Variants in OSMR observed in about 807,000 individuals in gnomAD.
The protein encoded by OSMR is oncostatin-M-specific receptor subunit beta.
Under a neutral mutation model 99.9 loss-of-function variants are expected in OSMR, and 81 were observed. The observed-to-expected ratio is 0.81, with a 90% CI of 0.68 to 0.97. The LOEUF is 0.97. Ranked by LOEUF, OSMR falls within the 50% of genes least tolerant of loss-of-function variation. The pLI, the probability that OSMR is intolerant of heterozygous loss-of-function variation, is 0.00. For missense variants in OSMR, 1,099 were observed against 1,153.4 expected (o/e 0.95, Z 0.68); for synonymous variants, 406 against 410.4 (o/e 0.99, Z 0.13).
chr5:38,852,769 C>T lies in OSMR; in HGVS notation c.-14+6382C>T, dbSNP rs1271189029. ...TTTTTGAGACGGAGTCTCACTCTTT[C>T]GCCCAAGCTGGACTGCAGTGGCGCT... On this transcript the variant is annotated intron_variant, in intron 1 of 17. Transcript: ENST00000274276. Among the ~76,000 whole-genome samples, 118 of 110,128 alleles carry T rather than the reference C, an allele frequency of 1.1e-3. 2 individuals are homozygous for T. Among genetic ancestry groups the T allele is most frequent in the African/African-American group, 3.7e-3 (101 of 27,598 alleles). 72.2% of individuals were successfully genotyped at this position (110,128 alleles called of 152,430 possible).
intron 1 of OSMR, among the ~76,000 whole-genome samples, chr5:38,853,230 G>T (rs1344506364): frequency 6.6e-6 from 1 of 151,924 alleles, no homozygotes; most frequent in Admixed American, 6.6e-5. Context: ...TGATATCTTT[G>T]TTCATCTGGA....
chr5:38,925,536 A>AG (rs1468591615), intron 15 of OSMR, among the ~76,000 whole-genome samples, 165 bp downstream of exon 15: 1 of 152,192 alleles, frequency 6.6e-6, no homozygotes, highest in Non-Finnish European at 1.5e-5. Flanking sequence ...TCACAAAAAA[A>AG]GGGTTGCACA....
At chr5:38,898,088 A>G (rs1004689714) in intron 7 of OSMR, among the ~76,000 whole-genome samples, 7 of 152,288 alleles carry the variant, frequency 4.6e-5, no homozygotes, top group African/African-American at 1.7e-4. Context: ...CATTGTACAA[A>G]ATATTTCTGT....
At chr5:38,921,404 A>G (rs1179719896) in intron 11 of OSMR, 1 of 795,214 alleles carries the variant, frequency 1.3e-6, no homozygotes, top group Non-Finnish European at 1.5e-6. Flanking sequence ...CATGATGGGC[A>G]TCTGAAGGGC....
chr5:38,869,183 T>C, intron 2 of OSMR, 66 bp downstream of exon 2: 1 of 1,163,232 alleles, frequency 8.6e-7, no homozygotes, highest in Non-Finnish European at 1.3e-6. Flanking sequence ...ATTGATGCTT[T>C]GGGAAAAAGT....
At chr5:38,881,272 A>C (rs990910642) in intron 3 of OSMR, among the ~76,000 whole-genome samples, 1 of 152,078 alleles carries the variant, frequency 6.6e-6, no homozygotes, top group African/African-American at 2.4e-5. Flanking sequence ...TGGGACTGGC[A>C]CAGTGAGCAC....
chr5:38,926,540 C>A (rs1746483617), intron 15 of OSMR, among the ~76,000 whole-genome samples: 1 of 152,122 alleles, frequency 6.6e-6, no homozygotes, highest in Non-Finnish European at 1.5e-5. Context: ...AGGGGAAAAG[C>A]CACTTATAAA....
At chr5:38,897,167 A>G (rs1744577412) in intron 7 of OSMR, among the ~76,000 whole-genome samples, 1 of 152,022 alleles carries the variant, frequency 6.6e-6, no homozygotes, top group Admixed American at 6.6e-5. Flanking sequence ...GGCCTAGTAG[A>G]ATGACTTTGG....
intron 9 of OSMR, 47 bp downstream of exon 9, chr5:38,904,550 G>A (rs1423456173): frequency 5.0e-6 from 8 of 1,611,310 alleles, no homozygotes; most frequent in Admixed American, 3.3e-5. Flanking sequence ...GGTCTTAGGA[G>A]TTAGACTGGT....
rs1348045779 is a variant in OSMR, at chr5:38,876,211, A to T, written c.84A>T (p.Glu28Asp). 1 of 1,613,082 alleles carries T rather than the reference A, an allele frequency of 6.2e-7. No individual in the cohort carries two copies. Among genetic ancestry groups the T allele is most frequent in the Non-Finnish European group, 8.5e-7 (1 of 1,179,290 alleles). The change falls in exon 3 of 18, where the codon GAA (glutamate) becomes GAT (aspartate). Residue 28 changes from glutamate to aspartate, a missense_variant. Physicochemically the swap from Glu to Asp is conservative, Grantham distance 45. Coordinates refer to ENST00000274276, the MANE Select transcript of OSMR (RefSeq NM_003999.3). ...LRTYQSEVLA[E>D]RLPLTPVSLK... ...TTTTGATCTTTTCAGTCTTGGCTGA[A>T]CGTTTACCATTGACTCCTGTATCAC...
At chr5:38,939,848 A>G (rs975681250), downstream of OSMR, 10 of 223,874 alleles carry the variant, frequency 4.5e-5, no homozygotes, top group Non-Finnish European at 7.1e-5. Context: ...ATCATTCCTA[A>G]CCTCTTCTGC....
At position 38,925,276 on chromosome 5, in the gene OSMR, C is replaced by T; in HGVS notation, c.2117C>T (p.Pro706Leu). ...EKALIVDNLK[P>L]ESFYEFFITP... Reference sequence around the variant, plus strand: ...GCATTGATTGTGGACAACCTAAAGCCAGAATCCTTCTATGAGTTTTTCATC... The same window carrying T: ...GCATTGATTGTGGACAACCTAAAGCTAGAATCCTTCTATGAGTTTTTCATC... The change falls in exon 15 of 18, where the codon CCA becomes CTA. Residue 706 changes from proline (P) to leucine (L), a missense_variant. Pro to Leu is a moderately conservative substitution (Grantham distance 98). Transcript: ENST00000274276. 1 of 1,614,050 alleles carries T rather than the reference C, an allele frequency of 6.2e-7. No individual in the cohort carries two copies. Among genetic ancestry groups the T allele is most frequent in the Non-Finnish European group, 8.5e-7 (1 of 1,179,970 alleles).
intron 3 of OSMR, among the ~76,000 whole-genome samples, chr5:38,876,722 G>A (rs1379385556): frequency 1.3e-5 from 2 of 152,134 alleles, no homozygotes; most frequent in African/African-American, 4.8e-5. Context: ...GTCCTCCAGA[G>A]ATTTTCCTAA....
chr5:38,881,211 G>A (rs2112359363), intron 3 of OSMR, among the ~76,000 whole-genome samples: 1 of 151,196 alleles, frequency 6.6e-6, no homozygotes, highest in East Asian at 1.9e-4. Context: ...TTTTTTTAAA[G>A]GATGACTGTG....
chr5:38,861,549 T>C (rs571672487), intron 1 of OSMR, among the ~76,000 whole-genome samples: 252 of 152,354 alleles, frequency 1.7e-3, no homozygotes, highest in African/African-American at 4.3e-3. Flanking sequence ...CCATCCGATT[T>C]CTCAATCTTT....
chr5:38,891,205 T>G (rs1043634770), intron 7 of OSMR, among the ~76,000 whole-genome samples: 6 of 152,120 alleles, frequency 3.9e-5, no homozygotes, highest in African/African-American at 1.4e-4. Flanking sequence ...TTGCAAAAAT[T>G]TTAACTCAGA....
intron 15 of OSMR, among the ~76,000 whole-genome samples, chr5:38,929,651 A>C (rs1746629440): frequency 6.6e-6 from 1 of 152,216 alleles, no homozygotes; most frequent in Non-Finnish European, 1.5e-5. Context: ...ACTCCTTGGT[A>C]GTATCTTCTA....
intron 1 of OSMR, among the ~76,000 whole-genome samples, chr5:38,851,942 A>G (rs1188636395): frequency 6.6e-6 from 1 of 152,210 alleles, no homozygotes; most frequent in Non-Finnish European, 1.5e-5. Context: ...ACCATGTGAA[A>G]TGTGCCTTTC....
chr5:38,847,064 G>A lies in OSMR; in HGVS notation c.-14+677G>A, dbSNP rs568263056. Among the ~76,000 whole-genome samples, 5 of 152,262 alleles carry A rather than the reference G, an allele frequency of 3.3e-5. No homozygotes were observed. In the South Asian group the frequency reaches 1.0e-3, roughly 32 times the overall value. ...ACAGACCTGCCTTGAAAACACTTTG[G>A]GAACAAGATATTCAAGAGAAGTAAA... is the stretch of plus-strand genomic sequence containing the variant. On this transcript the variant is annotated intron_variant, in intron 1 of 17. Coordinates refer to ENST00000274276, the MANE Select transcript of OSMR (RefSeq NM_003999.3).
Sources: gnomAD v4.1 joint callset for allele counts (sites outside exome capture counted in the v4.1 genomes callset) on GRCh38, gnomAD v4.1.1 for gene constraint, MANE v1.5 for transcripts, NCBI Gene and HGNC (gene_info 2026-07-23, HGNC 2026-07-21) for gene names.